Variants in SBF2 observed in about 807,000 individuals in gnomAD.
SBF2 encodes the protein SET binding factor 2, also known as myotubularin-related protein 13.
In SBF2, 112 loss-of-function variants were observed where a neutral mutation model predicts 225.2. The ratio of observed to expected loss-of-function variants is 0.50; its 90% CI spans 0.43 to 0.58. The LOEUF is 0.58. Among genes scored for constraint, SBF2 ranks in the 20% least tolerant of loss-of-function variants. The probability of loss-of-function intolerance (pLI) is 0.00; values close to 1 mark genes in which losing one functional copy is unlikely to be tolerated. For missense variants in SBF2, 1,996 were observed against 2,206.2 expected, an observed-to-expected ratio of 0.90 and a Z score of 1.91; for synonymous variants, 763 against 773.3, an observed-to-expected ratio of 0.99 and a Z score of 0.22.
At chr11:10,095,092 AT>A (rs917475376) in intron 2 of SBF2, among the ~76,000 whole-genome samples, 7 of 148,504 alleles carry the variant, frequency 4.7e-5, no homozygotes, top group Admixed American at 6.7e-5. Flanking sequence ...GCCGAGCTAA[AT>A]TTTTTTTTTT....
At chr11:9,865,701 AAAAAAAAAAAAAAAAG>A (rs1343001156) in intron 17 of SBF2, among the ~76,000 whole-genome samples, 4 of 146,126 alleles carry the variant, frequency 2.7e-5, no homozygotes, top group African/African-American at 5.1e-5. Flanking sequence ...AAAAAAAAAA[AAAAAAAAAAAAAAAAG>A]GCGGGAGGCG....
Position 10,124,961 on chromosome 11 carries a change from C to T in SBF2, c.141+68941G>A, listed in dbSNP as rs944903086. On this transcript the variant is annotated intron_variant, in intron 2 of 39. Coordinates refer to ENST00000256190, the MANE Select transcript of SBF2 (RefSeq NM_030962.4). ...CTCTACTAAAAGTACAAAAATTAGCCGGGCGTGGTGGCAGGTGCCTGTAAT... is the reference window on the plus strand; with the variant it reads ...CTCTACTAAAAGTACAAAAATTAGCTGGGCGTGGTGGCAGGTGCCTGTAAT... 5.3e-5 allele frequency among the ~76,000 whole-genome samples: 8 copies of T among 151,760 alleles called. No individual in the cohort carries two copies. In the East Asian group the frequency reaches 1.2e-3, roughly 22 times the overall value.
intron 2 of SBF2, among the ~76,000 whole-genome samples, chr11:10,184,812 T>C (rs1273713433): frequency 6.6e-6 from 1 of 152,236 alleles, no homozygotes; most frequent in African/African-American, 2.4e-5. Flanking sequence ...CTGCAAGCTC[T>C]GCCTCCTGGG....
At chr11:9,846,185 A>ACAGT (rs1279534362) in intron 23 of SBF2, among the ~76,000 whole-genome samples, 2 of 152,216 alleles carry the variant, frequency 1.3e-5, no homozygotes, top group Non-Finnish European at 2.9e-5. Context: ...GGTAGTCGGG[A>ACAGT]CAGTGAGGAA....
chr11:10,081,777 A>G (rs1224144870), intron 2 of SBF2, among the ~76,000 whole-genome samples: 2 of 151,696 alleles, frequency 1.3e-5, no homozygotes, highest in Admixed American at 1.3e-4. Context: ...AAAAAAAAGA[A>G]AAAGAAATAT....
At position 10,002,311 on chromosome 11, in the gene SBF2, T is replaced by TGTTAAAATACA. The variant is rs150124583; in HGVS notation, c.752+245_752+246insTGTATTTTAAC. Among the ~76,000 whole-genome samples, 12,705 of 152,224 alleles carry TGTTAAAATACA rather than the reference T, an allele frequency of 0.083. 609 individuals are homozygous for TGTTAAAATACA. The highest frequency in any genetic ancestry group is 0.17 in the Middle Eastern group (49 of 294). ...ATTGACTAGACATTTATGCCAATTGTGTTAAAAGTTGCTGACAATACTATT... is the reference window on the plus strand; with the variant it reads ...ATTGACTAGACATTTATGCCAATTGTGTTAAAATACAGTTAAAAGTTGCTGACAATACTATT... On this transcript the variant is annotated intron_variant, in intron 7 of 39. Transcript: ENST00000256190.
At chr11:9,953,864 A>G (rs1384500043) in intron 16 of SBF2, among the ~76,000 whole-genome samples, 2 of 152,148 alleles carry the variant, frequency 1.3e-5, no homozygotes, top group African/African-American at 4.8e-5. Context: ...TCCTCATCGT[A>G]TATGCAATTT....
At chr11:10,230,347 G>A (rs537580922) in intron 1 of SBF2, among the ~76,000 whole-genome samples, 11 of 152,190 alleles carry the variant, frequency 7.2e-5, no homozygotes, top group Non-Finnish European at 1.2e-4. Flanking sequence ...ATTTGATCCT[G>A]TCATTATGAT....
At chr11:10,245,918 G>C (rs1959740549) in intron 1 of SBF2, among the ~76,000 whole-genome samples, 1 of 152,168 alleles carries the variant, frequency 6.6e-6, no homozygotes, top group Non-Finnish European at 1.5e-5. Flanking sequence ...TTTATAGGGG[G>C]AATCTATAAT....
At chr11:10,269,333 A>G (rs902789894) in intron 1 of SBF2, among the ~76,000 whole-genome samples, 5 of 152,220 alleles carry the variant, frequency 3.3e-5, no homozygotes, top group African/African-American at 4.8e-5. Context: ...GGGAAAAGAT[A>G]GGCGTGCCAG....
Position 9,858,335 on chromosome 11 carries a change from G to A in SBF2, c.1991C>T (p.Thr664Ile). 1.9e-6 allele frequency: 3 copies of A among 1,614,178 alleles called. No homozygotes were observed. The highest frequency in any genetic ancestry group is 2.5e-6 in the Non-Finnish European group (3 of 1,180,022). ...GGTTGTCTCCCAAAATTGCTGATTT[G>A]TCCAAATGGGGTGGTCTTGTACACA... Reference protein sequence around the residue: ...YTCVQDHPIWTNQQFWETTFY... With the variant: ...YTCVQDHPIWINQQFWETTFY... The change falls in exon 18 of 40, where the codon ACA (threonine) becomes ATA (isoleucine). Residue 664 changes from threonine (T) to isoleucine (I), a missense_variant. By Grantham distance (89) the Thr-to-Ile change is moderately conservative (BLOSUM62 -1). Coordinates refer to ENST00000256190, the MANE Select transcript of SBF2 (RefSeq NM_030962.4).
intron 12 of SBF2, 84 bp downstream of exon 12, chr11:9,992,331 A>C: frequency 9.3e-7 from 1 of 1,080,218 alleles, no homozygotes; most frequent in Non-Finnish European, 1.3e-6. Flanking sequence ...TTGACTATAT[A>C]AATATGGAAA....
chr11:9,939,873 C>T (rs1293410180), intron 16 of SBF2, among the ~76,000 whole-genome samples: 2 of 152,164 alleles, frequency 1.3e-5, no homozygotes, highest in African/African-American at 4.8e-5. Context: ...GAAAGCCTCG[C>T]TCCTAAACTG....
At chr11:10,133,773 A>G (rs1374325888) in intron 2 of SBF2, among the ~76,000 whole-genome samples, 1 of 151,984 alleles carries the variant, frequency 6.6e-6, no homozygotes, top group Non-Finnish European at 1.5e-5. Flanking sequence ...GGGGGACTGA[A>G]GGGCTCCTCA....
At chr11:9,938,469 C>CAA (rs558732919) in intron 16 of SBF2, among the ~76,000 whole-genome samples, 4 of 118,662 alleles carry the variant, frequency 3.4e-5, no homozygotes, top group Middle Eastern at 4.7e-3. Flanking sequence ...TTAAAAAGTA[C>CAA]AAAAAAAAAA....
intron 26 of SBF2, among the ~76,000 whole-genome samples, chr11:9,835,880 T>C (rs1207165950): frequency 6.6e-6 from 1 of 152,022 alleles, no homozygotes; most frequent in African/African-American, 2.4e-5. Context: ...TTTGAGTAGT[T>C]TCTAGTTTTT....
intron 1 of SBF2, among the ~76,000 whole-genome samples, chr11:10,301,280 C>T (rs746483200): frequency 1.1e-4 from 16 of 152,076 alleles, no homozygotes; most frequent in Non-Finnish European, 2.1e-4. Flanking sequence ...ATACTTTAAT[C>T]GGTTTATGTA....
Position 10,228,657 on chromosome 11 carries a change from C to T in SBF2, c.56-34670G>A, listed in dbSNP as rs116771464. Reference sequence around the variant, plus strand: ...TGGCATGTTGAACCAGCCTTGTATCCCAGGGATGTAGCCCACTTGATCGTG... The same window carrying T: ...TGGCATGTTGAACCAGCCTTGTATCTCAGGGATGTAGCCCACTTGATCGTG... On this transcript the variant is annotated intron_variant, in intron 1 of 39. Transcript: ENST00000256190. Among the ~76,000 whole-genome samples the T allele has an allele frequency of 6.8e-3, 1,027 of 152,122 alleles. 10 individuals are homozygous for T. Among genetic ancestry groups the T allele is most frequent in the African/African-American group, 0.023 (973 of 41,472 alleles).
chr11:9,802,966 G>GT (rs1178184920), intron 32 of SBF2, among the ~76,000 whole-genome samples: 1 of 152,054 alleles, frequency 6.6e-6, no homozygotes, highest in Non-Finnish European at 1.5e-5. Context: ...AGGTTATTAT[G>GT]TATGAGGTAT....
Sources: allele counts gnomAD v4.1 joint callset (sites outside exome capture counted in the v4.1 genomes callset), GRCh38; gene constraint gnomAD v4.1.1; transcripts MANE v1.5; gene names NCBI Gene and HGNC (gene_info 2026-07-23, HGNC 2026-07-21).